The following ZCCHC7 variants were observed in gnomAD, a reference collection of about 807,000 sequenced individuals.
ZCCHC7 encodes zinc finger CCHC-type containing 7, also known as zinc finger CCHC domain-containing protein 7.
ZCCHC7 carries 35 observed loss-of-function variants against 52.0 expected under a neutral mutation model. The observed-to-expected ratio is 0.67, with a 90% CI of 0.51 to 0.89. ZCCHC7 has a LOEUF of 0.89. ZCCHC7 is among the 40% of genes least tolerant of loss of function. ZCCHC7 has a pLI of 0.00. For missense variants in ZCCHC7, 574 were observed against 649.1 expected, an observed-to-expected ratio of 0.88 and a Z score of 1.26; for synonymous variants, 217 against 221.5, an observed-to-expected ratio of 0.98 and a Z score of 0.18.
intron 2 of ZCCHC7, among the ~76,000 whole-genome samples, chr9:37,155,665 T>C (rs1408452855): frequency 6.6e-6 from 1 of 152,234 alleles, no homozygotes; most frequent in Admixed American, 6.5e-5. Flanking sequence ...AGTTCTTTAA[T>C]TTTGAAAGTT....
intron 2 of ZCCHC7, among the ~76,000 whole-genome samples, chr9:37,199,514 C>A (rs578140875): frequency 6.6e-6 from 1 of 150,802 alleles, no homozygotes; most frequent in Admixed American, 6.6e-5. Context: ...TGTAATTTTA[C>A]TAGACACAGG....
chr9:37,350,117 T>G (rs1821276613), intron 7 of ZCCHC7, among the ~76,000 whole-genome samples: 1 of 142,960 alleles, frequency 7.0e-6, no homozygotes, highest in Non-Finnish European at 1.5e-5. Flanking sequence ...GTTTTGGGGT[T>G]TGTTTTTTTT....
At chr9:37,275,330 T>C (rs905630232) in intron 2 of ZCCHC7, among the ~76,000 whole-genome samples, 1 of 151,620 alleles carries the variant, frequency 6.6e-6, no homozygotes, top group Non-Finnish European at 1.5e-5. Flanking sequence ...TTTTTTTTTT[T>C]TTTTTTGAGC....
chr9:37,315,975 G>A (rs1366639497), intron 5 of ZCCHC7, among the ~76,000 whole-genome samples: 1 of 149,118 alleles, frequency 6.7e-6, no homozygotes, highest in Non-Finnish European at 1.5e-5. Context: ...AATAACACTG[G>A]ATGAAATAAT....
chr9:37,218,956 T>C (rs1462876035), intron 2 of ZCCHC7, among the ~76,000 whole-genome samples: 1 of 149,638 alleles, frequency 6.7e-6, no homozygotes, highest in East Asian at 1.9e-4. Context: ...TTTTTTTTTT[T>C]TTTTTTTGAG....
chr9:37,132,171 C>T (rs1312294527), intron 2 of ZCCHC7, among the ~76,000 whole-genome samples: 1 of 152,026 alleles, frequency 6.6e-6, no homozygotes, highest in Non-Finnish European at 1.5e-5. Flanking sequence ...AGAAAAGATG[C>T]ACCGAAGGAA....
chr9:37,132,349 C>CT (rs1348280911), intron 2 of ZCCHC7, among the ~76,000 whole-genome samples: 1 of 152,064 alleles, frequency 6.6e-6, no homozygotes, highest in Non-Finnish European at 1.5e-5. Context: ...CTTTCTTGTA[C>CT]TTTTTTTATT....
chr9:37,330,266 A>G (rs1830402852), intron 6 of ZCCHC7, among the ~76,000 whole-genome samples: 1 of 151,800 alleles, frequency 6.6e-6, no homozygotes, highest in African/African-American at 2.4e-5. Flanking sequence ...GAAGAAAGTT[A>G]TAGAAGTGTT....
chr9:37,212,277 T>C (rs557876529), intron 2 of ZCCHC7, among the ~76,000 whole-genome samples: 2 of 151,906 alleles, frequency 1.3e-5, no homozygotes, highest in South Asian at 4.2e-4. Flanking sequence ...AGTACCAAGA[T>C]TGAGAAACCC....
chr9:37,234,375 C>T (rs1825546262), intron 2 of ZCCHC7, among the ~76,000 whole-genome samples: 1 of 152,226 alleles, frequency 6.6e-6, no homozygotes, highest in African/African-American at 2.4e-5. Flanking sequence ...ATGTCCTTAA[C>T]ACCTATGTCT....
intron 7 of ZCCHC7, among the ~76,000 whole-genome samples, chr9:37,351,480 T>C (rs567591769): frequency 6.6e-6 from 1 of 152,242 alleles, no homozygotes; most frequent in East Asian, 1.9e-4. Flanking sequence ...TAATTTTGTT[T>C]ATTTTTTGTA....
chr9:37,342,464 T>G (rs1564267035), intron 6 of ZCCHC7, among the ~76,000 whole-genome samples: 1 of 152,208 alleles, frequency 6.6e-6, no homozygotes, highest in Non-Finnish European at 1.5e-5. Context: ...AAAAGGTTAA[T>G]GTAAATCTAT....
intron 5 of ZCCHC7, among the ~76,000 whole-genome samples, chr9:37,313,371 T>C (rs770166528): frequency 6.6e-6 from 1 of 152,182 alleles, no homozygotes; most frequent in Non-Finnish European, 1.5e-5. Context: ...ATAATGTTAG[T>C]GAAAATCGCA....
intron 7 of ZCCHC7, among the ~76,000 whole-genome samples, chr9:37,351,135 T>C (rs544084769): frequency 1.3e-5 from 2 of 152,144 alleles, no homozygotes; most frequent in African/African-American, 4.8e-5. Context: ...ATCTTCCATA[T>C]TGGGGCAGCA....
rs1173246047 is a variant in ZCCHC7 at position 37,356,842 on chromosome 9, GA to G, written c.1211del (p.Asn404MetfsTer13). 6.3e-7 allele frequency: 1 copy of G among 1,579,388 alleles called. No individual in the cohort carries two copies. The highest frequency in any genetic ancestry group is 1.2e-5 in the South Asian group (1 of 84,104). On this transcript the variant is annotated frameshift_variant, in exon 9 of 9. Coordinates refer to ENST00000336755, the MANE Select transcript of ZCCHC7 (RefSeq NM_032226.3). LOFTEE classifies it low-confidence loss of function (END_TRUNC). ...RLKQKIKVLK[K>X]NGVIPEPSKL... ...TACTTTTATATTTTTCAGTACTCAA[GA>G]AAAATGGGGTTATCCCAGAGCCATC... is the stretch of plus-strand genomic sequence containing the variant.
At chr9:37,339,387 A>T (rs1040097671) in intron 6 of ZCCHC7, among the ~76,000 whole-genome samples, 10 of 152,284 alleles carry the variant, frequency 6.6e-5, no homozygotes, top group Non-Finnish European at 8.8e-5. Context: ...CCTTAAAGGG[A>T]GGAAAGGGAA....
intron 2 of ZCCHC7, among the ~76,000 whole-genome samples, chr9:37,295,809 AT>A (rs994978325): frequency 2.0e-5 from 3 of 152,162 alleles, no homozygotes; most frequent in African/African-American, 7.2e-5. Flanking sequence ...AGAGAAGCAA[AT>A]TTGGTAGTTC....
At chr9:37,253,072 T>G (rs1826407800) in intron 2 of ZCCHC7, among the ~76,000 whole-genome samples, 1 of 152,038 alleles carries the variant, frequency 6.6e-6, no homozygotes, top group African/African-American at 2.4e-5. Flanking sequence ...ATAAGAACAT[T>G]TGTCACAAAA....
intron 2 of ZCCHC7, among the ~76,000 whole-genome samples, chr9:37,133,675 G>A (rs1031555763): frequency 6.6e-6 from 1 of 152,060 alleles, no homozygotes; most frequent in African/African-American, 2.4e-5. Context: ...TGCAACCTCC[G>A]CCTCCCAGGT....
Sources: gnomAD v4.1 joint callset for allele counts (sites outside exome capture counted in the v4.1 genomes callset) on GRCh38, gnomAD v4.1.1 for gene constraint, MANE v1.5 for transcripts, NCBI Gene and HGNC (gene_info 2026-07-23, HGNC 2026-07-21) for gene names.